ZNF415: variants seen among roughly 807,000 people sequenced by gnomAD.
The protein encoded by ZNF415 is zinc finger protein 415.
In ZNF415, 5 loss-of-function variants were observed where a neutral mutation model predicts 7.3. That is an observed-to-expected ratio of 0.69 (90% CI 0.36 to 1.44). ZNF415 has a LOEUF of 1.44. ZNF415 is among the 40% of genes most tolerant of loss of function. The pLI is 0.04. For missense variants in ZNF415, 628 were observed against 664.8 expected, an observed-to-expected ratio of 0.94 and a Z score of 0.61; for synonymous variants, 207 against 226.3, an observed-to-expected ratio of 0.91 and a Z score of 0.77.
intron 1 of ZNF415, among the ~76,000 whole-genome samples, chr19:53,127,916 G>A (rs1040296331): frequency 2.6e-5 from 4 of 151,510 alleles, no homozygotes; most frequent in African/African-American, 9.7e-5. Context: ...AAGATACTAG[G>A]GCTTTCCAAA....
At chr19:53,130,576 CA>C (rs879320646) in intron 1 of ZNF415, among the ~76,000 whole-genome samples, 3 of 151,716 alleles carry the variant, frequency 2.0e-5, no homozygotes, top group Non-Finnish European at 2.9e-5. Flanking sequence ...TCTCAAGTTG[CA>C]AAATGAACTA....
At chr19:53,120,076 A>T (rs1001656363) in intron 2 of ZNF415, among the ~76,000 whole-genome samples, 5 of 152,172 alleles carry the variant, frequency 3.3e-5, no homozygotes, top group Admixed American at 6.6e-5. Flanking sequence ...AAAGAAAAAA[A>T]AAAGGAAAAC....
In ZNF415 at chr19:53,116,143, G is replaced by A. The variant is rs2086978191; in HGVS notation, c.136+170C>T. The A allele has an allele frequency of 3.8e-6, 3 of 795,744 alleles. No individual in the cohort carries two copies. In the African/African-American group the frequency reaches 5.2e-5, roughly 14 times the overall value. 49.3% of individuals were successfully genotyped at this position (795,744 alleles called of 1,614,324 possible). On this transcript the variant is annotated intron_variant, in intron 3 of 3. Coordinates refer to ENST00000243643, the MANE Select transcript of ZNF415 (RefSeq NM_018355.4). ...GTATCATGAAGGGGTCAGAAAATCT[G>A]GAAAAAGGGGATGGTTAAACTCCAG...
intron 3 of ZNF415, among the ~76,000 whole-genome samples, chr19:53,114,715 C>T (rs548537917): frequency 3.7e-4 from 56 of 152,212 alleles, no homozygotes; most frequent in South Asian, 3.1e-3. Flanking sequence ...CAGTGAAGAC[C>T]TGTCAACTGT....
intron 1 of ZNF415, among the ~76,000 whole-genome samples, chr19:53,131,744 C>G (rs1295389469): frequency 4.6e-5 from 7 of 151,994 alleles, no homozygotes; most frequent in Admixed American, 3.3e-4. Flanking sequence ...CTCTTTCTTC[C>G]TAATCTTTTC....
At chr19:53,122,859 G>GC (rs2088362391) in intron 1 of ZNF415, 116 bp from the exon 2 acceptor site, 2 of 718,100 alleles carry the variant, frequency 2.8e-6, no homozygotes, top group Non-Finnish European at 4.6e-6. Context: ...GTCCTCTGCC[G>GC]CCCACTACAC....
chr19:53,122,619 G>A, intron 2 of ZNF415, 43 bp downstream of exon 2: 1 of 1,613,408 alleles, frequency 6.2e-7, no homozygotes, highest in East Asian at 2.2e-5. Flanking sequence ...CCACCTTTCT[G>A]AAAAGAGGGA....
chr19:53,120,070 A>C (rs1313237034), intron 2 of ZNF415, among the ~76,000 whole-genome samples: 1 of 148,282 alleles, frequency 6.7e-6, no homozygotes, highest in African/African-American at 2.5e-5. Context: ...ACCAGAAAAG[A>C]AAAAAAAAAG....
chr19:53,111,045 T>G (rs894942320), intron 3 of ZNF415, among the ~76,000 whole-genome samples: 1 of 152,242 alleles, frequency 6.6e-6, no homozygotes, highest in Non-Finnish European at 1.5e-5. Flanking sequence ...CTCTACGGTC[T>G]GAATATGTTG....
chr19:53,111,340 CTTTTTT>C (rs61112807), intron 3 of ZNF415, among the ~76,000 whole-genome samples: 3 of 105,120 alleles, frequency 2.9e-5, no homozygotes, highest in African/African-American at 1.1e-4. Flanking sequence ...TATGATATTT[CTTTTTT>C]TTTTTTTTTT....
intron 1 of ZNF415, among the ~76,000 whole-genome samples, chr19:53,127,819 G>A (rs996573080): frequency 6.6e-6 from 1 of 151,668 alleles, no homozygotes. Context: ...GGAGGTTGCA[G>A]TGGGCCAGGA....
In ZNF415 at chr19:53,108,590, G is replaced by C. The variant is rs1238502509; in HGVS notation, c.1455C>G (p.Thr485=). 2.5e-6 allele frequency: 4 copies of C among 1,613,952 alleles called. No individual in the cohort carries two copies. Among genetic ancestry groups the C allele is most frequent in the Non-Finnish European group, 3.4e-6 (4 of 1,179,994 alleles). Residue 485 remains threonine (T), a synonymous_variant, in exon 4 of 4, where the codon ACC becomes ACG. Transcript: ENST00000243643. ...KGFSVHSSLT[T]HQVIHTGEKP... ...TTTCTCCAGTATGGATGACCTGATG[G>C]GTAGTTAGGCTTGAATGCACACTGA...
intron 1 of ZNF415, among the ~76,000 whole-genome samples, chr19:53,132,301 A>G (rs1156988540): frequency 1.3e-5 from 2 of 151,990 alleles, no homozygotes; most frequent in African/African-American, 4.8e-5. Flanking sequence ...GGAGGAGCGC[A>G]TTTTCCACGG....
intron 2 of ZNF415, among the ~76,000 whole-genome samples, chr19:53,119,444 C>CA (rs34688086): frequency 0.67 from 23,402 of 34,956 alleles, 9,487 homozygotes; most frequent in Non-Finnish European, 0.78. Context: ...GACTCCATCT[C>CA]AAAAAAAAAA....
Position 53,108,378 on chromosome 19 carries a change from T to G in ZNF415, c.1667A>C (p.Ter556SerextTer48). The change falls in exon 4 of 4, where the codon TAA becomes TCA. Residue 556 changes from the stop codon to serine, a stop_lost. Coordinates refer to ENST00000243643, the MANE Select transcript of ZNF415 (RefSeq NM_018355.4). ...HTKEKPYKRN[*>S] is the part of the protein sequence containing the mutation. ...ACTTTGACTGAAGACCTTGCCATAT[T>G]AATTTCTTTTATAAGGTTTCTCCTT... 6.3e-7 allele frequency: 1 copy of G among 1,595,282 alleles called. No homozygotes were observed. Among genetic ancestry groups the G allele is most frequent in the Non-Finnish European group, 8.5e-7 (1 of 1,171,432 alleles).
In ZNF415 at chr19:53,116,390, C is replaced by T; in HGVS notation, c.59G>A (p.Trp20Ter). 3 of 1,613,992 alleles carry T rather than the reference C, an allele frequency of 1.9e-6. No homozygotes were observed. The highest frequency in any genetic ancestry group is 2.5e-6 in the Non-Finnish European group (3 of 1,179,958). ...DVAIEFSQDEWKCLNSTQRTL... is the reference protein window; with the variant it reads ...DVAIEFSQDE ...CCTCTGTGTAGAGTTCAGGCATTTCCACTCATCTTGAGAGAATTCGATGGC... is the reference window on the plus strand; with the variant it reads ...CCTCTGTGTAGAGTTCAGGCATTTCTACTCATCTTGAGAGAATTCGATGGC... The change falls in exon 3 of 4, where the codon TGG (tryptophan) becomes TAG (stop). Residue 20 changes from tryptophan to a stop codon, truncating the protein, a stop_gained. Coordinates refer to ENST00000243643, the MANE Select transcript of ZNF415 (RefSeq NM_018355.4). LOFTEE classifies it high-confidence loss of function.
At chr19:53,128,050 A>G (rs2089494463) in intron 1 of ZNF415, among the ~76,000 whole-genome samples, 1 of 152,028 alleles carries the variant, frequency 6.6e-6, no homozygotes, top group South Asian at 2.1e-4. Context: ...ACAGGTGTAC[A>G]CATCATTCAC....
chr19:53,119,138 T>C (rs748798069), intron 2 of ZNF415, among the ~76,000 whole-genome samples: 22 of 151,646 alleles, frequency 1.5e-4, no homozygotes, highest in East Asian at 1.2e-3. Context: ...AAAAATTAGC[T>C]GGGTGTGGTG....
At chr19:53,131,428 C>T (rs866405339) in intron 1 of ZNF415, among the ~76,000 whole-genome samples, 1 of 152,182 alleles carries the variant, frequency 6.6e-6, no homozygotes, top group Non-Finnish European at 1.5e-5. Context: ...CAATTCTCAT[C>T]ATCTGTGCAT....
Sources: allele counts gnomAD v4.1 joint callset (sites outside exome capture counted in the v4.1 genomes callset), GRCh38; gene constraint gnomAD v4.1.1; transcripts MANE v1.5; gene names NCBI Gene and HGNC (gene_info 2026-07-23, HGNC 2026-07-21).